Variants in TRPM3 observed in about 807,000 individuals in gnomAD.
The protein encoded by TRPM3 is long transient receptor potential channel 3.
A neutral mutation model predicts 181.2 loss-of-function variants in TRPM3; 77 were observed. The observed-to-expected ratio is 0.42, with a 90% CI of 0.35 to 0.51. TRPM3 has a LOEUF of 0.51. TRPM3 is among the 20% of genes least tolerant of loss of function. The probability of loss-of-function intolerance (pLI) is 0.01; values close to 1 mark genes in which losing one functional copy is unlikely to be tolerated. For synonymous variants in TRPM3, 745 were observed against 796.4 expected, an observed-to-expected ratio of 0.94 and a Z score of 1.09; for missense variants, 1,759 against 2,196.7, an observed-to-expected ratio of 0.80 and a Z score of 3.98.
At chr9:70,632,321 T>C (rs1355287143) in intron 12 of TRPM3, among the ~76,000 whole-genome samples, 1 of 152,168 alleles carries the variant, frequency 6.6e-6, no homozygotes, top group African/African-American at 2.4e-5. Context: ...TTCTCCCTTA[T>C]TCACTTCTTC....
chr9:71,182,169 C>T (rs565774009), intron 1 of TRPM3, among the ~76,000 whole-genome samples: 38 of 152,050 alleles, frequency 2.5e-4, no homozygotes, highest in African/African-American at 9.2e-4. Context: ...TTTTTTTTCT[C>T]AAACATGTAT....
At chr9:70,885,793 C>T (rs542151145) in intron 1 of TRPM3, among the ~76,000 whole-genome samples, 15 of 152,170 alleles carry the variant, frequency 9.9e-5, no homozygotes, top group South Asian at 2.1e-4. Context: ...AAAGTATTCA[C>T]TCAAATTTTA....
At chr9:71,335,574 T>C (rs1424950323) in intron 1 of TRPM3, among the ~76,000 whole-genome samples, 2 of 152,104 alleles carry the variant, frequency 1.3e-5, no homozygotes, top group East Asian at 3.8e-4. Context: ...AAATTAAATT[T>C]CCTATTTTTT....
intron 1 of TRPM3, among the ~76,000 whole-genome samples, chr9:71,188,918 C>T (rs930425648): frequency 6.6e-6 from 1 of 151,778 alleles, no homozygotes; most frequent in African/African-American, 2.4e-5. Flanking sequence ...GTGTAAAATT[C>T]ATATTTGAAT....
chr9:70,981,922 T>A (rs922863082), intron 1 of TRPM3, among the ~76,000 whole-genome samples: 11 of 152,322 alleles, frequency 7.2e-5, no homozygotes, highest in African/African-American at 2.6e-4. Flanking sequence ...AACAGTGTTC[T>A]TAGGAGGTTT....
chr9:71,197,839 G>A (rs2078491123), intron 1 of TRPM3, among the ~76,000 whole-genome samples: 2 of 139,418 alleles, frequency 1.4e-5, no homozygotes, highest in African/African-American at 2.6e-5. Flanking sequence ...CACTCTGATG[G>A]TAGTTTCTTT....
chr9:70,744,477 A>G (rs1382766651), intron 8 of TRPM3, among the ~76,000 whole-genome samples: 1 of 152,208 alleles, frequency 6.6e-6, no homozygotes, highest in Admixed American at 6.5e-5. Flanking sequence ...CTCAAATGAC[A>G]CAAGGAATGG....
chr9:70,796,274 A>G (rs1204656928), intron 6 of TRPM3, among the ~76,000 whole-genome samples: 2 of 152,258 alleles, frequency 1.3e-5, no homozygotes, highest in African/African-American at 4.8e-5. Context: ...AATCACAGAA[A>G]AGACCTGGCC....
intron 1 of TRPM3, among the ~76,000 whole-genome samples, chr9:71,133,996 T>TGC (rs1565260923): frequency 6.9e-6 from 1 of 143,986 alleles, no homozygotes; most frequent in Non-Finnish European, 1.5e-5. Context: ...TGTGTGTGTG[T>TGC]GTGTGTGTGT....
intron 1 of TRPM3, among the ~76,000 whole-genome samples, chr9:71,341,754 C>A (rs577408697): frequency 2.6e-5 from 4 of 151,528 alleles, no homozygotes; most frequent in Non-Finnish European, 5.9e-5. Context: ...ATGTTAATTT[C>A]TTAGTTTTGA....
intron 1 of TRPM3, among the ~76,000 whole-genome samples, chr9:70,960,747 G>A (rs528883898): frequency 2.0e-5 from 3 of 152,232 alleles, no homozygotes; most frequent in Admixed American, 6.5e-5. Flanking sequence ...ACATGCAAAT[G>A]TGCCGTGTGT....
chr9:71,010,515 CAAAT>C (rs762791231), intron 1 of TRPM3, among the ~76,000 whole-genome samples: 5 of 151,934 alleles, frequency 3.3e-5, no homozygotes, highest in Non-Finnish European at 5.9e-5. Context: ...TACATGAAAA[CAAAT>C]GCTCAACATC....
chr9:71,405,913 G>A (rs2093427091), intron 1 of TRPM3, among the ~76,000 whole-genome samples: 2 of 152,162 alleles, frequency 1.3e-5, no homozygotes, highest in South Asian at 4.1e-4. Context: ...ATATTCAGAA[G>A]TAATAGAATA....
At chr9:70,637,580 A>G (rs1464788694) in intron 11 of TRPM3, among the ~76,000 whole-genome samples, 1 of 151,938 alleles carries the variant, frequency 6.6e-6, no homozygotes, top group Admixed American at 6.6e-5. Context: ...TGAAAGTCTC[A>G]GTATGCTGAA....
chr9:71,134,760 T>C (rs1424536735), intron 1 of TRPM3, among the ~76,000 whole-genome samples: 2 of 152,238 alleles, frequency 1.3e-5, no homozygotes, highest in Non-Finnish European at 2.9e-5. Flanking sequence ...ACTGAAGAAA[T>C]GTAACATAGA....
chr9:70,798,988 G>C (rs893672683), intron 6 of TRPM3, among the ~76,000 whole-genome samples: 2 of 152,184 alleles, frequency 1.3e-5, no homozygotes, highest in African/African-American at 4.8e-5. Flanking sequence ...GCCAATTTCA[G>C]TTCAGCTGTC....
chr9:71,310,785 CCT>C (rs1234382904), intron 1 of TRPM3, among the ~76,000 whole-genome samples: 1 of 152,018 alleles, frequency 6.6e-6, no homozygotes, highest in Non-Finnish European at 1.5e-5. Context: ...AGGACAATAC[CCT>C]GAGTAACACA....
intron 1 of TRPM3, among the ~76,000 whole-genome samples, chr9:71,276,522 CAA>C (rs2084226642): frequency 6.6e-6 from 1 of 152,140 alleles, no homozygotes; most frequent in South Asian, 2.1e-4. Context: ...ACAAATTTTA[CAA>C]GAGAGAAGAA....
At chr9:71,222,238 C>A (rs191660549) in intron 1 of TRPM3, among the ~76,000 whole-genome samples, 98 of 152,260 alleles carry the variant, frequency 6.4e-4, no homozygotes, top group Non-Finnish European at 1.2e-3. Flanking sequence ...TTTCAATCTC[C>A]CCAGAATGCC....
Sources: allele counts gnomAD v4.1 joint callset (sites outside exome capture counted in the v4.1 genomes callset), GRCh38; gene constraint gnomAD v4.1.1; transcripts MANE v1.5; gene names NCBI Gene and HGNC (gene_info 2026-07-23, HGNC 2026-07-21).